Variants in SLC35F3 observed in about 807,000 individuals in gnomAD.
The protein encoded by SLC35F3 is solute carrier family 35 member F3.
SLC35F3 carries 25 observed loss-of-function variants against 49.9 expected under a neutral mutation model. That is an observed-to-expected ratio of 0.50 (90% CI 0.37 to 0.70). The LOEUF is 0.70. SLC35F3 is among the 30% of genes least tolerant of loss of function. The probability of loss-of-function intolerance (pLI) is 0.00; values close to 1 mark genes in which losing one functional copy is unlikely to be tolerated. For synonymous variants in SLC35F3, 275 were observed against 265.4 expected (o/e 1.04, Z -0.35); for missense variants, 525 against 639.8 (o/e 0.82, Z 1.94).
chr1:234,285,463 CAGTAAAAACA>C (rs1303590377), intron 3 of SLC35F3: 11 of 401,460 alleles, frequency 2.7e-5, no homozygotes, highest in Admixed American at 9.3e-5. Context: ...CAAGTTGCAA[CAGTAAAAACA>C]AGTAAAAACA....
chr1:234,312,193 A>C (rs1657372841), intron 4 of SLC35F3, among the ~76,000 whole-genome samples: 4 of 152,052 alleles, frequency 2.6e-5, no homozygotes, highest in Non-Finnish European at 4.4e-5. Context: ...GCTGAGTGAG[A>C]CCACCCCCAG....
At chr1:234,209,845 A>G (rs1667024808) in intron 2 of SLC35F3, among the ~76,000 whole-genome samples, 1 of 152,224 alleles carries the variant, frequency 6.6e-6, no homozygotes, top group Non-Finnish European at 1.5e-5. Flanking sequence ...CATGTGAAAA[A>G]AAAAGGATTT....
At chr1:233,949,756 G>A (rs891269408) in intron 2 of SLC35F3, among the ~76,000 whole-genome samples, 1 of 152,116 alleles carries the variant, frequency 6.6e-6, no homozygotes, top group African/African-American at 2.4e-5. Context: ...TGTTTAGACC[G>A]TCTGCTGTAC....
intron 2 of SLC35F3, among the ~76,000 whole-genome samples, chr1:234,065,613 C>T (rs1049141027): frequency 4.6e-5 from 7 of 152,094 alleles, no homozygotes; most frequent in Admixed American, 2.0e-4. Context: ...GAGTCTGCCA[C>T]GAGCGCTATG....
At chr1:234,146,044 T>C (rs1268203768) in intron 2 of SLC35F3, among the ~76,000 whole-genome samples, 1 of 152,204 alleles carries the variant, frequency 6.6e-6, no homozygotes, top group Non-Finnish European at 1.5e-5. Context: ...AAACAACATG[T>C]AGGTGGATCT....
At chr1:233,941,395 A>G (rs1180333132) in intron 2 of SLC35F3, among the ~76,000 whole-genome samples, 1 of 152,198 alleles carries the variant, frequency 6.6e-6, no homozygotes. Context: ...GCTACTATAT[A>G]ACAATTGTCA....
At chr1:234,273,480 G>A (rs1418486227) in intron 3 of SLC35F3, among the ~76,000 whole-genome samples, 2 of 152,208 alleles carry the variant, frequency 1.3e-5, no homozygotes, top group Non-Finnish European at 2.9e-5. Flanking sequence ...TTTGTGCTGA[G>A]CATTTTTGAA....
At chr1:234,173,360 A>G (rs763128840) in intron 2 of SLC35F3, among the ~76,000 whole-genome samples, 3 of 152,348 alleles carry the variant, frequency 2.0e-5, no homozygotes, top group Non-Finnish European at 4.4e-5. Flanking sequence ...CCCTAGTACT[A>G]CATGTGAGGA....
At chr1:234,002,136 A>G (rs1255323735) in intron 2 of SLC35F3, among the ~76,000 whole-genome samples, 1 of 152,140 alleles carries the variant, frequency 6.6e-6, no homozygotes. Flanking sequence ...ATTTTATGAT[A>G]CTTTTGGATT....
chr1:234,309,141 A>C lies in SLC35F3; in HGVS notation c.649A>C (p.Lys217Gln). The C allele has an allele frequency of 6.2e-7, 1 of 1,614,114 alleles. No homozygotes were observed. Among genetic ancestry groups the C allele is most frequent in the Non-Finnish European group, 8.5e-7 (1 of 1,180,004 alleles). ...RFFGDNGLTL[K>Q]VFFTKAAPFG... is the part of the protein sequence containing the mutation. ...TTTTGGAGACAATGGCTTGACTTTG[A>C]AGGTGTTTTTTACCAAGGCAGCACC... is the stretch of plus-strand genomic sequence containing the variant. Residue 217 changes from lysine to glutamine, a missense_variant, in exon 4 of 8, where the codon AAG becomes CAG. Lys to Gln is a moderately conservative substitution (Grantham distance 53). Transcript: ENST00000366618.
intron 2 of SLC35F3, among the ~76,000 whole-genome samples, chr1:234,000,444 G>A (rs1378431516): frequency 6.6e-6 from 1 of 152,186 alleles, no homozygotes; most frequent in South Asian, 2.1e-4. Flanking sequence ...AATCAACAAT[G>A]TATGTATTGG....
chr1:234,227,292 A>C (rs1471989153), intron 2 of SLC35F3, among the ~76,000 whole-genome samples: 1 of 151,814 alleles, frequency 6.6e-6, no homozygotes, highest in Non-Finnish European at 1.5e-5. Flanking sequence ...TGACATAAAT[A>C]GTATTTCTAG....
chr1:234,318,467 A>G (rs2102998235), intron 5 of SLC35F3, among the ~76,000 whole-genome samples: 1 of 152,316 alleles, frequency 6.6e-6, no homozygotes, highest in Non-Finnish European at 1.5e-5. Context: ...TTTTTTAGTG[A>G]TGTAGTGTCA....
chr1:234,165,446 C>T (rs1420068739), intron 2 of SLC35F3, among the ~76,000 whole-genome samples: 1 of 152,130 alleles, frequency 6.6e-6, no homozygotes, highest in Non-Finnish European at 1.5e-5. Flanking sequence ...CAGTTGAATA[C>T]AGTTGAATTC....
chr1:233,992,415 A>C (rs1043490531), intron 2 of SLC35F3, among the ~76,000 whole-genome samples: 6 of 152,174 alleles, frequency 3.9e-5, no homozygotes, highest in Non-Finnish European at 8.8e-5. Context: ...TTGCTGCATC[A>C]CATCATCTCA....
At chr1:234,095,129 C>G (rs1219278612) in intron 2 of SLC35F3, among the ~76,000 whole-genome samples, 1 of 152,106 alleles carries the variant, frequency 6.6e-6, no homozygotes, top group Admixed American at 6.5e-5. Context: ...TTAAATTTTA[C>G]TATTTATTAG....
chr1:233,961,601 C>T (rs1213614405), intron 2 of SLC35F3, among the ~76,000 whole-genome samples: 3 of 152,014 alleles, frequency 2.0e-5, no homozygotes, highest in Non-Finnish European at 4.4e-5. Context: ...GGATAACAGG[C>T]GCACACCACC....
intron 2 of SLC35F3, among the ~76,000 whole-genome samples, chr1:233,973,167 C>A (rs556067088): frequency 6.6e-6 from 1 of 152,216 alleles, no homozygotes; most frequent in Non-Finnish European, 1.5e-5. Flanking sequence ...TCCCATGTCC[C>A]CTGTAGAGTC....
chr1:234,284,764 A>G (rs1668391244), intron 3 of SLC35F3, among the ~76,000 whole-genome samples: 1 of 152,206 alleles, frequency 6.6e-6, no homozygotes, highest in Non-Finnish European at 1.5e-5. Flanking sequence ...CGGGGTATCA[A>G]CAGAACTAGC....
Sources: gnomAD v4.1 joint callset for allele counts (sites outside exome capture counted in the v4.1 genomes callset) on GRCh38, gnomAD v4.1.1 for gene constraint, MANE v1.5 for transcripts, NCBI Gene and HGNC (gene_info 2026-07-23, HGNC 2026-07-21) for gene names.